Variants in MSH4 observed in about 807,000 individuals in gnomAD.
The protein encoded by MSH4 is mutS homolog 4.
MSH4 carries 106 observed loss-of-function variants against 113.7 expected under a neutral mutation model. The ratio of observed to expected loss-of-function variants is 0.93; its 90% CI spans 0.80 to 1.10. MSH4 has a LOEUF of 1.10. Ranked by LOEUF, MSH4 falls within the 50% of genes least tolerant of loss-of-function variation. The probability of loss-of-function intolerance (pLI) is 0.00; values close to 1 mark genes in which losing one functional copy is unlikely to be tolerated. For missense variants in MSH4, 1,061 were observed against 1,093.7 expected (o/e 0.97, Z 0.42); for synonymous variants, 368 against 380.2 (o/e 0.97, Z 0.37).
chr1:75,879,475 C>T (rs1023044488), intron 12 of MSH4, among the ~76,000 whole-genome samples: 2 of 152,172 alleles, frequency 1.3e-5, no homozygotes, highest in African/African-American at 4.8e-5. Flanking sequence ...ATCTACTTAA[C>T]TTTTAAAAAT....
intron 8 of MSH4, among the ~76,000 whole-genome samples, chr1:75,860,301 C>T (rs1391594258): frequency 2.6e-5 from 4 of 152,146 alleles, no homozygotes; most frequent in Non-Finnish European, 5.9e-5. Flanking sequence ...TTGATCCTGT[C>T]ATCATGATGC....
At chr1:75,890,866 T>C (rs1407550604) in intron 17 of MSH4, 42 bp downstream of exon 17, 1 of 1,408,788 alleles carries the variant, frequency 7.1e-7, no homozygotes, top group Non-Finnish European at 9.8e-7. Context: ...AGTCCTTCTT[T>C]ATGTATCCTT....
chr1:75,846,628 C>T (rs571708214), intron 7 of MSH4, among the ~76,000 whole-genome samples: 1 of 152,306 alleles, frequency 6.6e-6, no homozygotes, highest in African/African-American at 2.4e-5. Context: ...ATCAGAATGG[C>T]CTTTACTTTC....
chr1:75,912,889 C>A lies in MSH4; in HGVS notation c.*2C>A. ...GTTCCAGAAAAGACTGAAGAATAAT[C>A]ACAATTCTAATGTAATAATATATCT... On this transcript the variant is annotated 3_prime_UTR_variant, in exon 20 of 20. Coordinates refer to ENST00000263187, the MANE Select transcript of MSH4 (RefSeq NM_002440.4). The A allele has an allele frequency of 1.3e-6, 2 of 1,493,714 alleles. No individual in the cohort carries two copies. The highest frequency in any genetic ancestry group is 8.9e-7 in the Non-Finnish European group (1 of 1,118,280). The allele number at this position is 1,493,714 out of a possible 1,614,324, so 92.5% of individuals were successfully genotyped here.
At chr1:75,878,890 T>A in intron 11 of MSH4, 102 bp from the exon 12 acceptor site, 3 of 1,050,900 alleles carry the variant, frequency 2.9e-6, no homozygotes, top group African/African-American at 3.3e-5. Context: ...ATGTATAAAA[T>A]AAGAATTTAA....
rs778251935 is a variant in MSH4, at chr1:75,822,420, C to T, written c.1001C>T (p.Thr334Ile). 1.9e-6 allele frequency: 3 copies of T among 1,550,054 alleles called. No homozygotes were observed. Among genetic ancestry groups the T allele is most frequent in the East Asian group, 4.9e-5 (2 of 41,212 alleles). The change falls in exon 7 of 20, where the codon ACT becomes ATT. Residue 334 changes from threonine to isoleucine, a missense_variant. Physicochemically the swap from Thr to Ile is moderately conservative, Grantham distance 89 (BLOSUM62 -1). Transcript: ENST00000263187. ...INNQDYRNNH[T>I]LFGVLNYTKT... The stretch of plus-strand genomic sequence containing the variant: ...TTGTGTTTTGAAAGGAATAATCACA[C>T]TCTCTTTGGTGTTCTAAATTATACT...
At chr1:75,882,835 C>A (rs1651965465) in intron 14 of MSH4, among the ~76,000 whole-genome samples, 1 of 151,788 alleles carries the variant, frequency 6.6e-6, no homozygotes, top group Admixed American at 6.6e-5. Flanking sequence ...AGACCAAGAC[C>A]CTGTCTCTAA....
chr1:75,812,884 T>C (rs183225459), intron 4 of MSH4, among the ~76,000 whole-genome samples: 12 of 152,276 alleles, frequency 7.9e-5, no homozygotes, highest in East Asian at 5.8e-4. Context: ...ATCCTAGGGA[T>C]GTGGCTTTGA....
intron 18 of MSH4, among the ~76,000 whole-genome samples, 165 bp downstream of exon 18, chr1:75,898,246 T>C (rs2100588524): frequency 2.6e-5 from 4 of 152,202 alleles, no homozygotes; most frequent in Middle Eastern, 6.8e-3. Flanking sequence ...TCATTGTATC[T>C]ATATCTAGAT....
chr1:75,883,742 G>T lies in MSH4; in HGVS notation c.2028G>T (p.Leu676Phe), dbSNP rs201697763. 4.8e-5 allele frequency: 77 copies of T among 1,613,090 alleles called. No homozygotes were observed. The highest frequency in any genetic ancestry group is 5.8e-5 in the Non-Finnish European group (69 of 1,179,544). The change falls in exon 15 of 20, where the codon TTG (leucine) becomes TTT (phenylalanine). Residue 676 changes from leucine (L) to phenylalanine (F), a missense_variant. Coordinates refer to ENST00000263187, the MANE Select transcript of MSH4 (RefSeq NM_002440.4). ...ATGTTACAGAAGGGAGTAATTTTTT[G>T]ATCATAACTGGACCAAACATGAGTG... is the stretch of plus-strand genomic sequence containing the variant. Reference protein sequence around the residue: ...NTYVTEGSNFLIITGPNMSGK... With the variant: ...NTYVTEGSNFFIITGPNMSGK...
At chr1:75,912,650 T>A in intron 19 of MSH4, 46 bp from the exon 20 acceptor site, 1 of 1,168,376 alleles carries the variant, frequency 8.6e-7, no homozygotes, top group Non-Finnish European at 1.1e-6. Context: ...ATAAAAATTA[T>A]GGTATTTGTG....
At chr1:75,872,571 A>G (rs1189075729) in intron 9 of MSH4, among the ~76,000 whole-genome samples, 1 of 152,206 alleles carries the variant, frequency 6.6e-6, no homozygotes, top group African/African-American at 2.4e-5. Context: ...GATGAACAGA[A>G]GCTAATGAAA....
intron 7 of MSH4, among the ~76,000 whole-genome samples, chr1:75,829,656 G>C (rs1024554850): frequency 6.6e-6 from 1 of 152,190 alleles, no homozygotes; most frequent in African/African-American, 2.4e-5. Context: ...GCCTCTGCTG[G>C]TGATACCCAG....
At chr1:75,856,764 T>A (rs1411211233) in intron 8 of MSH4, among the ~76,000 whole-genome samples, 1 of 152,234 alleles carries the variant, frequency 6.6e-6, no homozygotes, top group Non-Finnish European at 1.5e-5. Flanking sequence ...ACATGTGTCT[T>A]TATCGTAGAA....
At chr1:75,822,345 A>G in intron 6 of MSH4, 64 bp from the exon 7 acceptor site, 1 of 1,062,710 alleles carries the variant, frequency 9.4e-7, no homozygotes. Flanking sequence ...TTAATTACAA[A>G]GTGAAATGAA....
intron 7 of MSH4, among the ~76,000 whole-genome samples, chr1:75,840,658 TAA>T (rs1247922323): frequency 6.8e-6 from 1 of 147,190 alleles, no homozygotes; most frequent in African/African-American, 2.4e-5. Context: ...CCCTAAAACT[TAA>T]AGTATAATAA....
In MSH4 at chr1:75,871,728, C is replaced by A. The variant is rs139199118; in HGVS notation, c.1305+4140C>A. On this transcript the variant is annotated intron_variant, in intron 9 of 19. Coordinates refer to ENST00000263187, the MANE Select transcript of MSH4 (RefSeq NM_002440.4). ...ATTTTTTGATCCTGTAACACTACTT[C>A]TAGAGATTTGTCTGAAAGAACTTTT... Among the ~76,000 whole-genome samples the A allele has an allele frequency of 2.6e-5, 4 of 152,250 alleles. No individual in the cohort carries two copies. The East Asian group carries it at 7.7e-4, about 29-fold the overall frequency.
At chr1:75,848,369 G>A in intron 8 of MSH4, 93 bp downstream of exon 8, 1 of 1,003,904 alleles carries the variant, frequency 1.0e-6, no homozygotes, top group South Asian at 1.5e-5. Flanking sequence ...ATATCAAAAT[G>A]TTTTGGGAAA....
chr1:75,879,699 G>A lies in MSH4; in HGVS notation c.1678-351G>A, dbSNP rs150226017. On this transcript the variant is annotated intron_variant, in intron 12 of 19. Transcript: ENST00000263187. ...GGTTCAGATATAGGACAAGGGCTGC[G>A]ACAGGGGTCAGAGATGGAGTGAGGA... Among the ~76,000 whole-genome samples the A allele has an allele frequency of 7.2e-4, 109 of 152,218 alleles. No homozygotes were observed. The Middle Eastern group carries it at 0.014, about 19-fold the overall frequency.
Sources: gnomAD v4.1 joint callset for allele counts (sites outside exome capture counted in the v4.1 genomes callset) on GRCh38, gnomAD v4.1.1 for gene constraint, MANE v1.5 for transcripts, NCBI Gene and HGNC (gene_info 2026-07-23, HGNC 2026-07-21) for gene names.